MCTP1: variants seen among roughly 807,000 people sequenced by gnomAD.
The protein encoded by MCTP1 is multiple C2 and transmembrane domain containing 1.
Under a neutral mutation model 120.6 loss-of-function variants are expected in MCTP1, and 69 were observed. The observed-to-expected ratio is 0.57, with a 90% confidence interval of 0.47 to 0.70. The LOEUF (loss-of-function observed/expected upper bound fraction) is 0.70. Ranked by LOEUF, MCTP1 falls within the 30% of genes least tolerant of loss-of-function variation. The pLI, the probability that MCTP1 is intolerant of heterozygous loss-of-function variation, is 0.00. For synonymous variants in MCTP1, 529 were observed against 493.1 expected, an observed-to-expected ratio of 1.07 and a Z score of -0.96; for missense variants, 1,203 against 1,248.8, an observed-to-expected ratio of 0.96 and a Z score of 0.55.
intron 17 of MCTP1, among the ~76,000 whole-genome samples, chr5:94,820,074 G>A (rs538498981): frequency 6.6e-6 from 1 of 152,166 alleles, no homozygotes; most frequent in Non-Finnish European, 1.5e-5. Flanking sequence ...CTTGTACCTT[G>A]ATGACTTGTC....
At chr5:94,929,352 G>GA (rs1484328458) in intron 6 of MCTP1, among the ~76,000 whole-genome samples, 1 of 152,142 alleles carries the variant, frequency 6.6e-6, no homozygotes, top group Non-Finnish European at 1.5e-5. Flanking sequence ...GAAGATGCGG[G>GA]AGACCTCATT....
At chr5:94,777,141 C>T (rs912107682) in intron 19 of MCTP1, among the ~76,000 whole-genome samples, 3 of 152,166 alleles carry the variant, frequency 2.0e-5, no homozygotes, top group Non-Finnish European at 2.9e-5. Context: ...GGAAAACACA[C>T]TGCTTGTCGG....
chr5:94,798,629 TAAGTA>T (rs1190523999), intron 18 of MCTP1, among the ~76,000 whole-genome samples: 1 of 152,172 alleles, frequency 6.6e-6, no homozygotes, highest in Admixed American at 6.5e-5. Context: ...CTATCTGTCT[TAAGTA>T]AAATACATTC....
chr5:94,779,122 G>T lies in MCTP1; in HGVS notation c.2598C>A (p.Asp866Glu), dbSNP rs139301276. 2.5e-6 allele frequency: 4 copies of T among 1,613,456 alleles called. No individual in the cohort carries two copies. In the African/African-American group the frequency reaches 4.0e-5, roughly 16 times the overall value. ...GAAAGATAATTACCTTGTCATCTTT[G>T]TCATCTTCTTCTTCCTCGTCCTCTA... is the stretch of plus-strand genomic sequence containing the variant. The part of the protein sequence containing the change: ...DMLEDEEEED[D>E]KDDKDSEKKG... The change falls in exon 19 of 23, where the codon GAC becomes GAA. Residue 866 changes from aspartate to glutamate, a missense_variant. Physicochemically the swap from Asp to Glu is conservative, Grantham distance 45. This residue lies in a region of MCTP1 where 740 missense variants were observed against 871.1 expected (regional missense o/e 0.85). Transcript: ENST00000515393.
In MCTP1 at chr5:95,015,729, T is replaced by C. The variant is rs533118226; in HGVS notation, c.838+1638A>G. On this transcript the variant is annotated intron_variant, in intron 2 of 22. Coordinates refer to ENST00000515393, the MANE Select transcript of MCTP1 (RefSeq NM_024717.7). ...GATTTTCATTATTTATTTTTACAGCTCCATAGTATTCCGCCATGTAGATAT... is the reference window on the plus strand; with the variant it reads ...GATTTTCATTATTTATTTTTACAGCCCCATAGTATTCCGCCATGTAGATAT... Among the ~76,000 whole-genome samples the C allele has an allele frequency of 5.9e-5, 9 of 152,218 alleles. 1 individual carries two copies. The South Asian group carries it at 1.9e-3, about 32-fold the overall frequency.
At chr5:94,776,535 T>C (rs1179785797) in intron 19 of MCTP1, among the ~76,000 whole-genome samples, 1 of 152,168 alleles carries the variant, frequency 6.6e-6, no homozygotes, top group Admixed American at 6.5e-5. Flanking sequence ...ATCTGGGACA[T>C]ATTTTACATA....
At chr5:94,942,211 G>A (rs911963917) in intron 4 of MCTP1, 137 bp downstream of exon 4, 15 of 589,608 alleles carry the variant, frequency 2.5e-5, no homozygotes, top group Middle Eastern at 2.7e-4. Context: ...GAGGAAGATG[G>A]ATTTGAGAAA....
At chr5:94,891,624 C>T (rs945315030) in intron 11 of MCTP1, among the ~76,000 whole-genome samples, 1 of 152,124 alleles carries the variant, frequency 6.6e-6, no homozygotes, top group Non-Finnish European at 1.5e-5. Flanking sequence ...TGATCCTCTG[C>T]TTCCCATTTG....
At chr5:95,150,612 G>A (rs1414753538) in intron 1 of MCTP1, among the ~76,000 whole-genome samples, 1 of 152,122 alleles carries the variant, frequency 6.6e-6, no homozygotes, top group African/African-American at 2.4e-5. Context: ...ACCTGGAAAC[G>A]TGGTTATCAT....
intron 1 of MCTP1, among the ~76,000 whole-genome samples, chr5:95,263,875 G>A (rs1758674350): frequency 6.6e-6 from 1 of 152,164 alleles, no homozygotes; most frequent in African/African-American, 2.4e-5. Context: ...TCTTCCCCAT[G>A]GGCAAAGTCA....
At chr5:95,135,712 A>G (rs1313246834) in intron 1 of MCTP1, among the ~76,000 whole-genome samples, 1 of 152,200 alleles carries the variant, frequency 6.6e-6, no homozygotes, top group Non-Finnish European at 1.5e-5. Flanking sequence ...CATGCTCCTC[A>G]AGCTTGCAGA....
intron 3 of MCTP1, among the ~76,000 whole-genome samples, chr5:94,951,507 A>C (rs1820570950): frequency 1.3e-5 from 2 of 152,176 alleles, no homozygotes; most frequent in Non-Finnish European, 2.9e-5. Context: ...CAGCAACATT[A>C]ATGAGATCCA....
At chr5:95,046,689 A>T (rs1744634204) in intron 1 of MCTP1, among the ~76,000 whole-genome samples, 1 of 151,958 alleles carries the variant, frequency 6.6e-6, no homozygotes, top group Non-Finnish European at 1.5e-5. Context: ...TAGCCTAATA[A>T]CCTCTCATCC....
intron 1 of MCTP1, among the ~76,000 whole-genome samples, chr5:95,197,955 T>A (rs1297651673): frequency 1.3e-5 from 2 of 152,070 alleles, no homozygotes; most frequent in African/African-American, 4.8e-5. Context: ...CACATGTAAA[T>A]AGTTGTTATA....
At chr5:94,734,737 G>T (rs186034952) in intron 19 of MCTP1, among the ~76,000 whole-genome samples, 2 of 152,284 alleles carry the variant, frequency 1.3e-5, no homozygotes, top group African/African-American at 4.8e-5. Flanking sequence ...GATTACAGAT[G>T]TGAGTGAGGC....
At chr5:95,170,481 C>T (rs539526484) in intron 1 of MCTP1, among the ~76,000 whole-genome samples, 38 of 152,198 alleles carry the variant, frequency 2.5e-4, no homozygotes, top group African/African-American at 8.2e-4. Flanking sequence ...CTTTCTGTCT[C>T]GTTGATCTGT....
chr5:94,835,293 T>C (rs1221711861), intron 17 of MCTP1, among the ~76,000 whole-genome samples: 2 of 152,218 alleles, frequency 1.3e-5, no homozygotes, highest in Admixed American at 1.3e-4. Flanking sequence ...AGCTCAGTTA[T>C]AAACCCTTTT....
intron 1 of MCTP1, among the ~76,000 whole-genome samples, chr5:95,279,596 C>T (rs1760145710): frequency 6.6e-6 from 1 of 152,180 alleles, no homozygotes; most frequent in South Asian, 2.1e-4. Context: ...AGCACAGCAG[C>T]AATTGCTAAT....
At chr5:94,845,942 A>G (rs374662190) in intron 17 of MCTP1, among the ~76,000 whole-genome samples, 4 of 152,302 alleles carry the variant, frequency 2.6e-5, no homozygotes, top group South Asian at 2.1e-4. Flanking sequence ...AATCAAAACC[A>G]CAGTGAGATA....
Sources: gnomAD v4.1 joint callset for allele counts (sites outside exome capture counted in the v4.1 genomes callset) on GRCh38, gnomAD v4.1.1 for gene constraint, gnomAD v4.1.1 regional missense constraint, MANE v1.5 for transcripts, NCBI Gene and HGNC (gene_info 2026-07-23, HGNC 2026-07-21) for gene names.